PCDHA10: variants seen among roughly 807,000 people sequenced by gnomAD.
PCDHA10 encodes protocadherin alpha 10.
A neutral mutation model predicts 61.2 loss-of-function variants in PCDHA10; 45 were observed. The ratio of observed to expected loss-of-function variants is 0.74; its 90% CI spans 0.58 to 0.94. The LOEUF is 0.94. PCDHA10 is among the 40% of genes least tolerant of loss of function. The pLI is 0.00. For missense variants in PCDHA10, 1,278 were observed against 1,236.2 expected, an observed-to-expected ratio of 1.03 and a Z score of -0.51; for synonymous variants, 602 against 548.8, an observed-to-expected ratio of 1.10 and a Z score of -1.35.
chr5:140,979,414 T>C (rs1410205907), intron 2 of PCDHA10, among the ~76,000 whole-genome samples: 1 of 152,242 alleles, frequency 6.6e-6, no homozygotes, highest in African/African-American at 2.4e-5. Flanking sequence ...CCTTGTTTTT[T>C]TTTTAATCTC....
rs781792274 is a variant in PCDHA10 at position 140,927,895 on chromosome 5, G to C, written c.2389-51054G>C. ...GCTGGTGGAGGTGACTGACGTGAAC[G>C]ATCATGCCCCCGAACTGGACTTCCT... On this transcript the variant is annotated intron_variant, in intron 1 of 3. Coordinates refer to ENST00000307360, the MANE Select transcript of PCDHA10 (RefSeq NM_018901.4). The C allele has an allele frequency of 3.7e-6, 6 of 1,614,074 alleles. No homozygotes were observed. The South Asian group carries it at 6.6e-5, about 18-fold the overall frequency.
At chr5:140,870,789 G>A in intron 1 of PCDHA10, 3 of 1,613,630 alleles carry the variant, frequency 1.9e-6, no homozygotes, top group Admixed American at 1.7e-5. Context: ...ACAACGCGCC[G>A]GCACTGCTGG....
intron 1 of PCDHA10, among the ~76,000 whole-genome samples, chr5:140,943,863 G>T (rs2093580168): frequency 1.3e-5 from 2 of 152,186 alleles, no homozygotes; most frequent in Admixed American, 1.3e-4. Context: ...TCAAGAAGAG[G>T]TCTCTGAAGT....
intron 1 of PCDHA10, among the ~76,000 whole-genome samples, chr5:140,896,384 C>T (rs778057567): frequency 2.0e-5 from 3 of 152,172 alleles, no homozygotes; most frequent in Non-Finnish European, 4.4e-5. Flanking sequence ...TCTGCAACCT[C>T]ACCAGCATCT....
chr5:140,869,837 C>A (rs374182289), intron 1 of PCDHA10: 48 of 1,611,366 alleles, frequency 3.0e-5, no homozygotes, highest in Non-Finnish European at 3.6e-5. Flanking sequence ...TTTGATAAAT[C>A]AGAATATAAG....
intron 1 of PCDHA10, chr5:140,969,615 G>A (rs1417453925): frequency 3.6e-5 from 26 of 714,726 alleles, no homozygotes; most frequent in Non-Finnish European, 5.5e-5. Flanking sequence ...ACACAGATTT[G>A]TAGAGAAACA....
chr5:140,904,552 T>C (rs1233525886), intron 1 of PCDHA10, among the ~76,000 whole-genome samples: 1 of 152,084 alleles, frequency 6.6e-6, no homozygotes, highest in Non-Finnish European at 1.5e-5. Flanking sequence ...TTTCATATAA[T>C]GACTTTTTTT....
chr5:140,981,881 C>G (rs138571007), intron 2 of PCDHA10, among the ~76,000 whole-genome samples: 1 of 152,158 alleles, frequency 6.6e-6, no homozygotes, highest in Non-Finnish European at 1.5e-5. Context: ...CTGAATTAAT[C>G]TCTTCTGAGC....
chr5:140,898,349 C>A (rs1310511547), intron 1 of PCDHA10, among the ~76,000 whole-genome samples: 1 of 152,168 alleles, frequency 6.6e-6, no homozygotes, highest in African/African-American at 2.4e-5. Flanking sequence ...TTTAATCCAT[C>A]TTGAATTAAT....
chr5:141,004,144 A>C (rs1451902723), intron 3 of PCDHA10, among the ~76,000 whole-genome samples: 3 of 152,250 alleles, frequency 2.0e-5, no homozygotes, highest in Non-Finnish European at 2.9e-5. Context: ...CCCCAAAGGC[A>C]TGACATTTTA....
intron 1 of PCDHA10, among the ~76,000 whole-genome samples, chr5:140,973,564 A>T (rs2096593487): frequency 6.6e-6 from 1 of 152,168 alleles, no homozygotes; most frequent in Admixed American, 6.5e-5. Context: ...CTCTTTCCTC[A>T]ATTTTTCTAC....
rs1563376756 is a variant in PCDHA10, at chr5:140,968,306, C to G, written c.2389-10643C>G. 1.9e-6 allele frequency: 3 copies of G among 1,613,808 alleles called. No individual in the cohort carries two copies. The highest frequency in any genetic ancestry group is 2.5e-6 in the Non-Finnish European group (3 of 1,179,908). On this transcript the variant is annotated intron_variant, in intron 1 of 3. Transcript: ENST00000307360. ...CTACTCCCTTCTGGAGAGGGAGATT[C>G]AAGGGCTGCCAGTCACCTCCTATGT... is the stretch of plus-strand genomic sequence containing the variant.
chr5:140,863,330 T>A, intron 1 of PCDHA10: 1 of 1,412,828 alleles, frequency 7.1e-7, no homozygotes, highest in Admixed American at 1.8e-5. Flanking sequence ...CTGTTAGTGC[T>A]CACGTTGCTG....
chr5:140,967,490 C>G (rs1554229615), intron 1 of PCDHA10: 2 of 1,613,210 alleles, frequency 1.2e-6, no homozygotes, highest in East Asian at 2.2e-5. Context: ...GGGTACGGCA[C>G]AGATCTCTGT....
chr5:140,981,943 G>A (rs1207723761), intron 2 of PCDHA10, among the ~76,000 whole-genome samples: 2 of 152,116 alleles, frequency 1.3e-5, no homozygotes, highest in Non-Finnish European at 2.9e-5. Flanking sequence ...GGAAATATAG[G>A]GTGGGTCATC....
chr5:140,928,128 A>C (rs782708968), intron 1 of PCDHA10: 1 of 1,614,194 alleles, frequency 6.2e-7, no homozygotes, highest in Admixed American at 1.7e-5. Context: ...GTGAATACCA[A>C]GTCCTGATCA....
chr5:140,870,257 C>T (rs1554163963), intron 1 of PCDHA10: 1 of 1,614,172 alleles, frequency 6.2e-7, no homozygotes, highest in Non-Finnish European at 8.5e-7. Context: ...GGACAGGTGA[C>T]CTGCTCGCTG....
At chr5:140,927,891 GA>G (rs1554205193) in intron 1 of PCDHA10, 1 of 1,614,192 alleles carries the variant, frequency 6.2e-7, no homozygotes, top group Admixed American at 1.7e-5. Context: ...TGACTGACGT[GA>G]ACGATCATGC....
At chr5:140,869,378 G>T in intron 1 of PCDHA10, 3 of 1,614,168 alleles carry the variant, frequency 1.9e-6, no homozygotes, top group East Asian at 2.2e-5. Flanking sequence ...CGGATCGACC[G>T]CGAGGAGCTG....
Sources: gnomAD v4.1 joint callset for allele counts (sites outside exome capture counted in the v4.1 genomes callset) on GRCh38, gnomAD v4.1.1 for gene constraint, MANE v1.5 for transcripts, NCBI Gene and HGNC (gene_info 2026-07-23, HGNC 2026-07-21) for gene names.